Variants in RAPGEF2 observed in about 807,000 individuals in gnomAD.
RAPGEF2 encodes PDZ domain containing guanine nucleotide exchange factor (GEF) 1.
RAPGEF2 carries 54 observed loss-of-function variants against 186.7 expected under a neutral mutation model. That is an observed-to-expected ratio of 0.29 (90% CI 0.23 to 0.36). The LOEUF (loss-of-function observed/expected upper bound fraction) is 0.36. RAPGEF2 is among the 10% of genes least tolerant of loss of function. The probability of loss-of-function intolerance (pLI) is 1.00; values close to 1 mark genes in which losing one functional copy is unlikely to be tolerated. For synonymous variants in RAPGEF2, 712 were observed against 705.9 expected (o/e 1.01, Z -0.14); for missense variants, 1,532 against 2,045.0 (o/e 0.75, Z 4.84).
chr4:159,262,865 G>A lies in RAPGEF2; in HGVS notation c.543+19074G>A, dbSNP rs1303811992. On this transcript the variant is annotated intron_variant, in intron 7 of 29. Coordinates refer to ENST00000691494, the MANE Select transcript of RAPGEF2 (RefSeq NM_001394067.2). ...CATTTCCTTGGAACGTATCTGTGGA[G>A]TAAATCATGGTGATCTTTTTGAACT... Among the ~76,000 whole-genome samples, 14 of 152,034 alleles carry A rather than the reference G, an allele frequency of 9.2e-5. No homozygotes were observed. In the South Asian group the frequency reaches 2.5e-3, roughly 27 times the overall value.
chr4:159,205,217 T>A (rs950332981), intron 3 of RAPGEF2, among the ~76,000 whole-genome samples: 2 of 152,182 alleles, frequency 1.3e-5, no homozygotes, highest in Admixed American at 1.3e-4. Flanking sequence ...TAAAAGTCAC[T>A]TTGATGGATC....
At chr4:159,135,862 G>A (rs1037405035) in intron 1 of RAPGEF2, among the ~76,000 whole-genome samples, 25 of 152,280 alleles carry the variant, frequency 1.6e-4, no homozygotes, top group Admixed American at 1.6e-3. Context: ...GCCTCCCAAA[G>A]TGCTGGGATT....
intron 17 of RAPGEF2, among the ~76,000 whole-genome samples, chr4:159,337,248 GT>G (rs112785096): frequency 2.0e-5 from 3 of 152,192 alleles, no homozygotes; most frequent in African/African-American, 4.8e-5. Flanking sequence ...ATGCACCACT[GT>G]TTTTTTATGC....
intron 7 of RAPGEF2, among the ~76,000 whole-genome samples, chr4:159,303,126 A>C (rs1204338853): frequency 6.6e-6 from 1 of 152,188 alleles, no homozygotes; most frequent in Non-Finnish European, 1.5e-5. Flanking sequence ...CTATTCAGAC[A>C]GTAGGTCTGA....
intron 1 of RAPGEF2, among the ~76,000 whole-genome samples, chr4:159,127,281 C>G (rs749500486): frequency 1.7e-4 from 26 of 152,190 alleles, no homozygotes; most frequent in Admixed American, 4.6e-4. Flanking sequence ...CCTGCCTTGG[C>G]CTCCCAAAGT....
Position 159,267,085 on chromosome 4 carries a change from G to C in RAPGEF2, c.543+23294G>C, listed in dbSNP as rs1046928432. The C allele has an allele frequency of 2.9e-6, 3 of 1,030,888 alleles. No individual in the cohort carries two copies. The South Asian group carries it at 4.6e-5, about 16-fold the overall frequency. The allele number at this position is 1,030,888 out of a possible 1,614,324, so 63.9% of individuals were successfully genotyped here. ...GAGCTGAATATTTCAGTGTGTATAG[G>C]GAGAGGGAGGGTGAGAGAGAAATCC... On this transcript the variant is annotated intron_variant, in intron 7 of 29. Transcript: ENST00000691494.
intron 1 of RAPGEF2, among the ~76,000 whole-genome samples, chr4:159,127,425 C>G (rs1740471273): frequency 6.6e-6 from 1 of 152,180 alleles, no homozygotes; most frequent in East Asian, 1.9e-4. Flanking sequence ...GATTTCCTCC[C>G]TTTTTACCTG....
At position 159,314,714 on chromosome 4, in the gene RAPGEF2, A is replaced by G. The variant is rs1381721963; in HGVS notation, c.799A>G (p.Ile267Val). 7.4e-6 allele frequency: 12 copies of G among 1,613,816 alleles called. No individual in the cohort carries two copies. The highest frequency in any genetic ancestry group is 1.7e-5 in the Admixed American group (1 of 59,968). The change falls in exon 9 of 30, where the codon ATT becomes GTT. Residue 267 changes from isoleucine to valine, a missense_variant. This residue lies in a region of RAPGEF2 where 810 missense variants were observed against 1,210.5 expected (regional missense o/e 0.67). Coordinates refer to ENST00000691494, the MANE Select transcript of RAPGEF2 (RefSeq NM_001394067.2). ...ATCAGATCCTCTGATGAGCAGGGAC[A>G]TTGTGAGAGACTGCCTAGAGAAGGA... ...RASDPLMSRDIVRDCLEKDPI... is the reference protein window; with the variant it reads ...RASDPLMSRDVVRDCLEKDPI...
intron 7 of RAPGEF2, among the ~76,000 whole-genome samples, chr4:159,252,538 G>C (rs1024787216): frequency 1.3e-4 from 20 of 152,194 alleles, no homozygotes; most frequent in African/African-American, 4.8e-4. Flanking sequence ...TTTACAGTGG[G>C]CATTTTTGAG....
chr4:159,238,917 C>G (rs754826359), intron 5 of RAPGEF2, 33 bp downstream of exon 5: 8 of 1,384,266 alleles, frequency 5.8e-6, no homozygotes, highest in Admixed American at 3.2e-5. Context: ...TATTTTTCCC[C>G]TAAAAAATTG....
intron 1 of RAPGEF2, among the ~76,000 whole-genome samples, chr4:159,136,920 C>G (rs1741781943): frequency 6.6e-6 from 1 of 152,108 alleles, no homozygotes; most frequent in Non-Finnish European, 1.5e-5. Flanking sequence ...TATTCCTGAC[C>G]ACTGTGAAAA....
intron 1 of RAPGEF2, among the ~76,000 whole-genome samples, chr4:159,135,550 A>T (rs1217793297): frequency 6.6e-6 from 1 of 152,164 alleles, no homozygotes; most frequent in African/African-American, 2.4e-5. Flanking sequence ...CTTACTATCC[A>T]TATATCTTTG....
chr4:159,292,181 C>T (rs1398504846), intron 7 of RAPGEF2, among the ~76,000 whole-genome samples: 1 of 152,204 alleles, frequency 6.6e-6, no homozygotes, highest in East Asian at 1.9e-4. Flanking sequence ...AAAATCCAAA[C>T]TCTTTACCAT....
intron 1 of RAPGEF2, among the ~76,000 whole-genome samples, chr4:159,122,188 T>C (rs990078895): frequency 6.6e-6 from 1 of 151,534 alleles, no homozygotes; most frequent in African/African-American, 2.4e-5. Context: ...TATGATAAAA[T>C]GTTAAAATTT....
chr4:159,200,320 AGCCAGTGTGGTG>A (rs1749270412), intron 3 of RAPGEF2, among the ~76,000 whole-genome samples: 1 of 151,932 alleles, frequency 6.6e-6, no homozygotes, highest in African/African-American at 2.4e-5. Context: ...TACAAAAATT[AGCCAGTGTGGTG>A]GCGCACCTCT....
At chr4:159,349,818 T>A (rs996272369) in intron 25 of RAPGEF2, among the ~76,000 whole-genome samples, 1 of 152,326 alleles carries the variant, frequency 6.6e-6, no homozygotes, top group East Asian at 1.9e-4. Flanking sequence ...GTCCATTTTT[T>A]CTTCATTGTT....
intron 1 of RAPGEF2, among the ~76,000 whole-genome samples, chr4:159,143,169 G>A (rs1742532909): frequency 6.6e-6 from 1 of 151,978 alleles, no homozygotes; most frequent in Non-Finnish European, 1.5e-5. Context: ...GTTCCAGGCT[G>A]TATCATATGA....
At chr4:159,275,091 G>GTGTGTGTGTA (rs1758672998) in intron 7 of RAPGEF2, among the ~76,000 whole-genome samples, 1 of 146,824 alleles carries the variant, frequency 6.8e-6, no homozygotes, top group South Asian at 2.1e-4. Flanking sequence ...GTGTGTGTGT[G>GTGTGTGTGTA]TGTGTATGAT....
chr4:159,253,501 T>C (rs1022696649), intron 7 of RAPGEF2, among the ~76,000 whole-genome samples: 3 of 152,244 alleles, frequency 2.0e-5, no homozygotes, highest in Non-Finnish European at 4.4e-5. Flanking sequence ...GTGTTAGATA[T>C]GTTTTTCAAA....
Sources: gnomAD v4.1 joint callset for allele counts (sites outside exome capture counted in the v4.1 genomes callset) on GRCh38, gnomAD v4.1.1 for gene constraint, gnomAD v4.1.1 regional missense constraint, MANE v1.5 for transcripts, NCBI Gene and HGNC (gene_info 2026-07-23, HGNC 2026-07-21) for gene names.